TXNDC16: variants seen among roughly 807,000 people sequenced by gnomAD.
TXNDC16 encodes the protein thioredoxin domain-containing protein 16.
Under a neutral mutation model 85.6 loss-of-function variants are expected in TXNDC16, and 74 were observed. The ratio of observed to expected loss-of-function variants is 0.86; its 90% CI spans 0.72 to 1.05. The LOEUF (loss-of-function observed/expected upper bound fraction) is 1.05, where lower values mean the gene tolerates loss of function less well. Among genes scored for constraint, TXNDC16 ranks in the 50% least tolerant of loss-of-function variants. The pLI, the probability that TXNDC16 is intolerant of heterozygous loss-of-function variation, is 0.00. For missense variants in TXNDC16, 959 were observed against 947.0 expected (o/e 1.01, Z -0.17); for synonymous variants, 335 against 326.5 (o/e 1.03, Z -0.28).
intron 6 of TXNDC16, among the ~76,000 whole-genome samples, chr14:52,522,385 C>A (rs1177885060): frequency 1.3e-5 from 2 of 152,172 alleles, no homozygotes; most frequent in Admixed American, 1.3e-4. Context: ...TTTTCTAAGT[C>A]TTCAAGGTAG....
intron 18 of TXNDC16, among the ~76,000 whole-genome samples, chr14:52,450,183 C>T (rs761972873): frequency 6.6e-6 from 1 of 151,720 alleles, no homozygotes; most frequent in Non-Finnish European, 1.5e-5. Context: ...ATTGACAAAC[C>T]CTTAGTCAGA....
chr14:52,501,067 A>G (rs925672194), intron 9 of TXNDC16, among the ~76,000 whole-genome samples: 10 of 152,328 alleles, frequency 6.6e-5, no homozygotes, highest in African/African-American at 1.9e-4. Context: ...GGGAACCTTA[A>G]TAATACATCT....
intron 6 of TXNDC16, among the ~76,000 whole-genome samples, chr14:52,525,714 T>TAAC (rs2037316492): frequency 9.6e-6 from 1 of 103,736 alleles, no homozygotes; most frequent in Admixed American, 1.1e-4. Context: ...ATAATAATAA[T>TAAC]AATAATAATA....
chr14:52,472,006 T>C (rs1383511078), intron 14 of TXNDC16, among the ~76,000 whole-genome samples: 1 of 150,512 alleles, frequency 6.6e-6, no homozygotes, highest in Admixed American at 6.7e-5. Flanking sequence ...AGCCTAAATG[T>C]TACTTCATCA....
chr14:52,493,193 C>CTATATATATATATATATATATATATA (rs555994196), intron 9 of TXNDC16, among the ~76,000 whole-genome samples: 4 of 126,120 alleles, frequency 3.2e-5, no homozygotes, highest in African/African-American at 9.8e-5. Flanking sequence ...TGTCACTGTT[C>CTATATATATATATATATATATATATA]TATATATATA....
At position 52,491,008 on chromosome 14, in the gene TXNDC16, T is replaced by C. The variant is rs1176441016; in HGVS notation, c.757-3A>G. ...TGAGGATCTTCAGCAACTTCAGTCT[T>C]CATTGAAAAAAAAAAAAAAAAAAGG... is the stretch of plus-strand genomic sequence containing the variant. On this transcript the variant is annotated splice_region_variant and splice_polypyrimidine_tract_variant and intron_variant, in intron 9 of 20. Transcript: ENST00000281741. 2.7e-6 allele frequency: 4 copies of C among 1,461,980 alleles called. No homozygotes were observed. In the African/African-American group the frequency reaches 4.8e-5, roughly 18 times the overall value. The allele number at this position is 1,461,980 out of a possible 1,614,324, so 90.6% of individuals were successfully genotyped here.
intron 16 of TXNDC16, among the ~76,000 whole-genome samples, chr14:52,463,601 TATTTGAACAGG>T (rs1327714454): frequency 3.9e-5 from 6 of 152,168 alleles, no homozygotes; most frequent in Non-Finnish European, 2.9e-5. Context: ...GCATTTGTCT[TATTTGAACAGG>T]ATTTGAACAG....
In TXNDC16 at chr14:52,431,155, CTT is replaced by C. The variant is rs1049908920; in HGVS notation, c.*1147_*1148del. 6.6e-6 allele frequency: 1 copy of C among 152,230 alleles called. No homozygotes were observed. The highest frequency in any genetic ancestry group is 2.4e-5 in the African/African-American group (1 of 41,442). 9.4% of individuals were successfully genotyped at this position (152,230 alleles called of 1,614,324 possible). ...AAGTGATTTGGAATGAAAATTAACT[CTT>C]TGGCTAATCTTTCCCTCCCTCACAG... On this transcript the variant is annotated 3_prime_UTR_variant, in exon 21 of 21. Coordinates refer to ENST00000281741, the MANE Select transcript of TXNDC16 (RefSeq NM_020784.3).
At position 52,470,043 on chromosome 14, in the gene TXNDC16, T is replaced by C. The variant is rs773674504; in HGVS notation, c.1612A>G (p.Lys538Glu). The change falls in exon 16 of 21, where the codon AAA becomes GAA. Residue 538 changes from lysine to glutamate, a missense_variant. By Grantham distance (56) the Lys-to-Glu change is moderately conservative (BLOSUM62 1). Transcript: ENST00000281741. ...SVLGLFSPTM[K>E]TAKEDFSEAG... Reference sequence around the variant, plus strand: ...AAAGCTCAGCTCTGCTTACCTGTTTTCATGGTTGGACTAAATAGTCCCAAT... The same window carrying C: ...AAAGCTCAGCTCTGCTTACCTGTTTCCATGGTTGGACTAAATAGTCCCAAT... 2.5e-6 allele frequency: 4 copies of C among 1,607,080 alleles called. No homozygotes were observed. In the South Asian group the frequency reaches 4.5e-5, roughly 18 times the overall value.
rs1233573584 is a variant in TXNDC16 at position 52,431,660 on chromosome 14, G to T, written c.*644C>A. On this transcript the variant is annotated 3_prime_UTR_variant, in exon 21 of 21. Coordinates refer to ENST00000281741, the MANE Select transcript of TXNDC16 (RefSeq NM_020784.3). ...CTGTCCAATGCAGGTTATTTAGCAG[G>T]ATCCCTGGCCTCTACTCACTAAATG... 5 of 152,166 alleles carry T rather than the reference G, an allele frequency of 3.3e-5. No homozygotes were observed. The highest frequency in any genetic ancestry group is 1.2e-4 in the African/African-American group (5 of 41,442). 9.4% of individuals were successfully genotyped at this position (152,166 alleles called of 1,614,324 possible).
At chr14:52,530,177 TATAA>T (rs1446858446) in intron 6 of TXNDC16, among the ~76,000 whole-genome samples, 8 of 87,430 alleles carry the variant, frequency 9.2e-5, no homozygotes, top group South Asian at 3.7e-4. Flanking sequence ...TTATATTATA[TATAA>T]ATATATTATA....
intron 1 of TXNDC16, among the ~76,000 whole-genome samples, chr14:52,547,279 A>G (rs2037959338): frequency 6.6e-6 from 1 of 152,220 alleles, no homozygotes; most frequent in East Asian, 1.9e-4. Context: ...GAAGAACCTC[A>G]CACAGGGCAA....
chr14:52,470,614 T>C lies in TXNDC16; in HGVS notation c.1379A>G (p.Asn460Ser), dbSNP rs754990376. ...ADWSDVCTKQNVTEFPIIKMY... is the reference protein window; with the variant it reads ...ADWSDVCTKQSVTEFPIIKMY... ...CTTTATGATAGGAAATTCAGTAACA[T>C]TTTGCTTAGTACATACATCAGACCA... is the stretch of plus-strand genomic sequence containing the variant. The change falls in exon 15 of 21, where the codon AAT (asparagine) becomes AGT (serine). Residue 460 changes from asparagine to serine, a missense_variant. Transcript: ENST00000281741. 2 of 1,614,018 alleles carry C rather than the reference T, an allele frequency of 1.2e-6. No individual in the cohort carries two copies. Among genetic ancestry groups the C allele is most frequent in the South Asian group, 2.2e-5 (2 of 91,064 alleles).
chr14:52,537,502 C>G, intron 5 of TXNDC16, 97 bp downstream of exon 5: 1 of 895,270 alleles, frequency 1.1e-6, no homozygotes, highest in Non-Finnish European at 1.8e-6. Flanking sequence ...ATCCCCCCTA[C>G]ATATGACTTT....
At chr14:52,488,050 T>C (rs1291238165) in intron 12 of TXNDC16, among the ~76,000 whole-genome samples, 2 of 152,240 alleles carry the variant, frequency 1.3e-5, no homozygotes, top group African/African-American at 4.8e-5. Flanking sequence ...TTGTAGTTTC[T>C]AAGTAGAGTT....
intron 9 of TXNDC16, among the ~76,000 whole-genome samples, chr14:52,510,533 A>G (rs1372273114): frequency 1.3e-5 from 2 of 151,580 alleles, no homozygotes; most frequent in Non-Finnish European, 2.9e-5. Flanking sequence ...TGCAAAGATC[A>G]CAAGTGTGGT....
At chr14:52,490,816 T>A in intron 10 of TXNDC16, 23 bp downstream of exon 10, 1 of 1,596,050 alleles carries the variant, frequency 6.3e-7, no homozygotes, top group Non-Finnish European at 8.5e-7. Context: ...CTAAATATAG[T>A]AAATATTCGA....
At chr14:52,472,599 C>T (rs2035933579) in intron 14 of TXNDC16, among the ~76,000 whole-genome samples, 2 of 152,122 alleles carry the variant, frequency 1.3e-5, no homozygotes, top group Admixed American at 6.5e-5. Context: ...TATTTCTTCA[C>T]AAATTTTAAA....
At chr14:52,459,076 G>T (rs2035596812) in intron 16 of TXNDC16, among the ~76,000 whole-genome samples, 2 of 151,920 alleles carry the variant, frequency 1.3e-5, no homozygotes, top group African/African-American at 4.8e-5. Flanking sequence ...TCAATTATCT[G>T]AATAAAAATA....
Sources: gnomAD v4.1 joint callset for allele counts (sites outside exome capture counted in the v4.1 genomes callset) on GRCh38, gnomAD v4.1.1 for gene constraint, MANE v1.5 for transcripts, NCBI Gene and HGNC (gene_info 2026-07-23, HGNC 2026-07-21) for gene names.